Variants in TRPS1 observed in about 807,000 individuals in gnomAD.
The protein encoded by TRPS1 is zinc finger transcription factor Trps1.
Under a neutral mutation model 101.2 loss-of-function variants are expected in TRPS1, and 6 were observed. The ratio of observed to expected loss-of-function variants is 0.06; its 90% CI spans 0.03 to 0.12. The LOEUF (loss-of-function observed/expected upper bound fraction) is 0.12. Ranked by LOEUF, TRPS1 falls within the 10% of genes least tolerant of loss-of-function variation. The pLI is 1.00. For synonymous variants in TRPS1, 578 were observed against 589.8 expected, an observed-to-expected ratio of 0.98 and a Z score of 0.29; for missense variants, 1,363 against 1,567.0, an observed-to-expected ratio of 0.87 and a Z score of 2.20.
At chr8:115,643,108 A>G (rs1265293714) in intron 1 of TRPS1, among the ~76,000 whole-genome samples, 1 of 152,206 alleles carries the variant, frequency 6.6e-6, no homozygotes, top group African/African-American at 2.4e-5. Flanking sequence ...TTACTAAAAA[A>G]TACTAACAGT....
chr8:115,493,661 T>C (rs894227757), intron 5 of TRPS1, among the ~76,000 whole-genome samples: 1 of 152,188 alleles, frequency 6.6e-6, no homozygotes, highest in Non-Finnish European at 1.5e-5. Flanking sequence ...TAAAGCATTT[T>C]TTAAAAGGTA....
intron 4 of TRPS1, among the ~76,000 whole-genome samples, chr8:115,589,225 G>A (rs1817630726): frequency 6.6e-6 from 1 of 152,166 alleles, no homozygotes; most frequent in South Asian, 2.1e-4. Context: ...GAGCTTTGTA[G>A]GTCATGGTAG....
chr8:115,474,563 A>G lies in TRPS1; in HGVS notation c.2701-56111T>C, dbSNP rs571140558. ...CTTGTTCCACTGTCAGTGAGATGAG[A>G]GAACAGATTACTGTTCTGTAAGAGT... On this transcript the variant is annotated intron_variant, in intron 5 of 6. Coordinates refer to ENST00000395715, the MANE Select transcript of TRPS1 (RefSeq NM_014112.5). Among the ~76,000 whole-genome samples, 4 of 152,254 alleles carry G rather than the reference A, an allele frequency of 2.6e-5. No individual in the cohort carries two copies. The East Asian group carries it at 7.7e-4, about 29-fold the overall frequency.
chr8:115,639,665 C>CAAA (rs11395796), intron 1 of TRPS1, among the ~76,000 whole-genome samples: 2 of 138,364 alleles, frequency 1.4e-5, no homozygotes, highest in African/African-American at 5.2e-5. Context: ...CCAATCTCTA[C>CAAA]AAAAAAAAAA....
chr8:115,535,236 C>CATATATAGCATAT lies in TRPS1; in HGVS notation c.2700+51752_2700+51764dup, dbSNP rs749904586. Among the ~76,000 whole-genome samples the CATATATAGCATAT allele has an allele frequency of 3.9e-3, 467 of 118,550 alleles. 17 individuals carry two copies. Among genetic ancestry groups the CATATATAGCATAT allele is most frequent in the African/African-American group, 0.015 (448 of 29,788 alleles). The allele number at this position is 118,550 out of a possible 152,430, so 77.8% of individuals were successfully genotyped here. ...TAGCATATATAGCATATATATATAG[C>CATATATAGCATAT]ATATATAGCATATATAGCATATATA... On this transcript the variant is annotated intron_variant, in intron 5 of 6. Transcript: ENST00000395715.
chr8:115,435,751 T>C (rs1813431745), intron 5 of TRPS1, among the ~76,000 whole-genome samples: 1 of 150,882 alleles, frequency 6.6e-6, no homozygotes. Context: ...CTTCCTCAGG[T>C]GGTGGTTTTG....
intron 5 of TRPS1, among the ~76,000 whole-genome samples, chr8:115,470,113 T>C (rs1341582148): frequency 1.3e-5 from 2 of 152,218 alleles, no homozygotes; most frequent in Non-Finnish European, 2.9e-5. Flanking sequence ...AAGAACTTCC[T>C]AAGCACTTCT....
intron 1 of TRPS1, chr8:115,661,450 T>C (rs1006477111): frequency 9.9e-5 from 15 of 152,152 alleles, no homozygotes; most frequent in African/African-American, 2.6e-4. Context: ...AATTCAAACA[T>C]AGCAAAGCTA....
rs563579669 is a variant in TRPS1 at position 115,540,607 on chromosome 8, TA to T, written c.2700+46393del. 1.7e-3 allele frequency among the ~76,000 whole-genome samples: 250 copies of T among 150,734 alleles called. 1 individual carries two copies. Among genetic ancestry groups the T allele is most frequent in the Non-Finnish European group, 2.5e-3 (166 of 67,606 alleles). ...AAAAGTCAGTTAAAGTGGGGAATCA[TA>T]AAAAAAAATGTAATCACCATTTAAA... On this transcript the variant is annotated intron_variant, in intron 5 of 6. Transcript: ENST00000395715.
chr8:115,452,589 A>G (rs963421863), intron 5 of TRPS1, among the ~76,000 whole-genome samples: 2 of 152,196 alleles, frequency 1.3e-5, no homozygotes, highest in Non-Finnish European at 2.9e-5. Flanking sequence ...TTGATGTGAT[A>G]ACGTTCAAAC....
At chr8:115,440,914 T>C (rs965088049) in intron 5 of TRPS1, among the ~76,000 whole-genome samples, 1 of 152,220 alleles carries the variant, frequency 6.6e-6, no homozygotes, top group Admixed American at 6.5e-5. Flanking sequence ...AATAAACTAT[T>C]ATTTAATCAA....
intron 5 of TRPS1, among the ~76,000 whole-genome samples, chr8:115,422,714 T>C (rs1027475374): frequency 6.6e-6 from 1 of 152,220 alleles, no homozygotes; most frequent in Non-Finnish European, 1.5e-5. Flanking sequence ...TGCTAAGTGC[T>C]GGGGGCAGCT....
At chr8:115,634,543 A>G (rs1374107361) in intron 1 of TRPS1, among the ~76,000 whole-genome samples, 2 of 152,182 alleles carry the variant, frequency 1.3e-5, no homozygotes, top group Non-Finnish European at 2.9e-5. Context: ...GATTATTTCA[A>G]AAGCAAATTA....
intron 5 of TRPS1, among the ~76,000 whole-genome samples, chr8:115,523,609 G>A (rs1294340453): frequency 1.3e-5 from 2 of 152,126 alleles, no homozygotes; most frequent in African/African-American, 4.8e-5. Context: ...TTAAAAGACT[G>A]CTGATTAATC....
At chr8:115,590,923 T>C (rs929744242) in intron 4 of TRPS1, among the ~76,000 whole-genome samples, 1 of 152,078 alleles carries the variant, frequency 6.6e-6, no homozygotes, top group Admixed American at 6.5e-5. Flanking sequence ...TGTTTTGGTA[T>C]CATTCATTGC....
At chr8:115,618,109 G>A (rs1029809868) in intron 3 of TRPS1, among the ~76,000 whole-genome samples, 3 of 152,094 alleles carry the variant, frequency 2.0e-5, no homozygotes, top group Non-Finnish European at 2.9e-5. Context: ...CTATCAAGTG[G>A]ATAAAAATGA....
chr8:115,439,247 C>T (rs773799211), intron 5 of TRPS1, among the ~76,000 whole-genome samples: 6 of 152,120 alleles, frequency 3.9e-5, no homozygotes, highest in African/African-American at 9.7e-5. Flanking sequence ...TCTGCACTGT[C>T]GTTTACAGTG....
chr8:115,467,306 A>G (rs1814347058), intron 5 of TRPS1, among the ~76,000 whole-genome samples: 1 of 152,086 alleles, frequency 6.6e-6, no homozygotes, highest in African/African-American at 2.4e-5. Context: ...TGGCAAATGT[A>G]AGCTTTATGG....
At chr8:115,586,673 T>TATG (rs1817566813) in intron 5 of TRPS1, among the ~76,000 whole-genome samples, 1 of 152,250 alleles carries the variant, frequency 6.6e-6, no homozygotes, top group African/African-American at 2.4e-5. Context: ...GTAGCAGATG[T>TATG]ACATCCTTCT....
Sources: gnomAD v4.1 joint callset for allele counts (sites outside exome capture counted in the v4.1 genomes callset) on GRCh38, gnomAD v4.1.1 for gene constraint, MANE v1.5 for transcripts, NCBI Gene and HGNC (gene_info 2026-07-23, HGNC 2026-07-21) for gene names.